Variants in SLC4A5 observed in about 807,000 individuals in gnomAD.
SLC4A5 encodes the protein electrogenic sodium bicarbonate cotransporter 4.
SLC4A5 carries 96 observed loss-of-function variants against 120.4 expected under a neutral mutation model. The ratio of observed to expected loss-of-function variants is 0.80; its 90% CI spans 0.68 to 0.94. The LOEUF (loss-of-function observed/expected upper bound fraction) is 0.94, where lower values mean the gene tolerates loss of function less well. SLC4A5 is among the 40% of genes least tolerant of loss of function. SLC4A5 has a pLI of 0.00. For synonymous variants in SLC4A5, 550 were observed against 571.1 expected, an observed-to-expected ratio of 0.96 and a Z score of 0.53; for missense variants, 1,259 against 1,459.5, an observed-to-expected ratio of 0.86 and a Z score of 2.24.
chr2:74,252,332 C>T (rs1670819702), exon 16 of SLC4A5: 1 of 1,613,526 alleles, frequency 6.2e-7, no homozygotes, highest in Admixed American at 1.7e-5. Flanking sequence ...AGCTCCGCCG[C>T]CTCCTCCCAC....
intron 6 of SLC4A5, among the ~76,000 whole-genome samples, chr2:74,314,563 A>T (rs943713834): frequency 3.3e-5 from 5 of 152,226 alleles, no homozygotes; most frequent in Non-Finnish European, 7.3e-5. Flanking sequence ...CTGGAGCAAC[A>T]GAAATACCTG....
chr2:74,340,574 G>A (rs1014839592), intron 2 of SLC4A5, among the ~76,000 whole-genome samples: 4 of 152,086 alleles, frequency 2.6e-5, no homozygotes, highest in Admixed American at 1.3e-4. Context: ...TGGGGTGGGT[G>A]TAGGAAAGGA....
intron 8 of SLC4A5, among the ~76,000 whole-genome samples, chr2:74,280,652 A>G (rs192015444): frequency 4.4e-4 from 66 of 151,210 alleles, no homozygotes; most frequent in African/African-American, 1.5e-3. Context: ...CCATACTAAG[A>G]TGGGAAATGA....
chr2:74,331,664 C>G (rs1673369461), intron 4 of SLC4A5, among the ~76,000 whole-genome samples: 1 of 151,898 alleles, frequency 6.6e-6, no homozygotes, highest in Non-Finnish European at 1.5e-5. Flanking sequence ...GCAGAGTTTG[C>G]TCTATTAAAT....
chr2:74,327,947 A>T (rs371257999), intron 5 of SLC4A5, among the ~76,000 whole-genome samples, 173 bp downstream of exon 5: 22 of 152,228 alleles, frequency 1.4e-4, no homozygotes, highest in African/African-American at 5.3e-4. Context: ...TTTTTAAAGG[A>T]AAACCAAATA....
intron 8 of SLC4A5, among the ~76,000 whole-genome samples, chr2:74,276,672 A>ATTACTACAGGTATGAAAGACATATTCG (rs1671651081): frequency 6.6e-6 from 1 of 152,220 alleles, no homozygotes; most frequent in African/African-American, 2.4e-5. Context: ...GTATATCTTC[A>ATTACTACAGGTATGAAAGACATATTCG]TTACTACAGG....
chr2:74,341,889 C>T (rs187081672), intron 2 of SLC4A5, among the ~76,000 whole-genome samples: 76 of 152,318 alleles, frequency 5.0e-4, no homozygotes, highest in African/African-American at 1.7e-3. Context: ...CCCAACCCAG[C>T]TTATGTCCTG....
At chr2:74,266,382 A>G (rs993837064) in intron 8 of SLC4A5, among the ~76,000 whole-genome samples, 2 of 151,950 alleles carry the variant, frequency 1.3e-5, no homozygotes, top group Non-Finnish European at 2.9e-5. Context: ...GATCTTCCCA[A>G]CTCAGCCTCC....
intron 27 of SLC4A5, among the ~76,000 whole-genome samples, chr2:74,226,753 C>T (rs149846076): frequency 2.6e-5 from 4 of 152,226 alleles, no homozygotes; most frequent in South Asian, 4.1e-4. Context: ...TTCCTTCCTC[C>T]GCCTCCTCTC....
At chr2:74,225,132 C>G in intron 27 of SLC4A5, 137 bp from the exon 28 acceptor site, 1 of 753,284 alleles carries the variant, frequency 1.3e-6, no homozygotes, top group Non-Finnish European at 2.1e-6. Flanking sequence ...GGAGCCGTCT[C>G]GAAGCTCCCA....
Position 74,304,754 on chromosome 2 carries a change from T to C in SLC4A5, c.80-74A>G, listed in dbSNP as rs1221013842. On this transcript the variant is annotated intron_variant, in intron 6 of 30. Transcript: ENST00000394019. The stretch of plus-strand genomic sequence containing the variant: ...GCATTTTTTCATAATATTCATCAGT[T>C]ACAAAGAGATTGGGCTGCAGAAGCA... 2.1e-6 allele frequency: 3 copies of C among 1,452,042 alleles called. No homozygotes were observed. The African/African-American group carries it at 4.2e-5, about 21-fold the overall frequency. The allele number at this position is 1,452,042 out of a possible 1,614,324, so 89.9% of individuals were successfully genotyped here. A position where few individuals can be genotyped will look rare whatever the true frequency, so the allele number is the denominator to read the frequency against.
intron 10 of SLC4A5, among the ~76,000 whole-genome samples, chr2:74,263,280 T>C (rs769473052): frequency 1.6e-4 from 24 of 152,170 alleles, no homozygotes; most frequent in Non-Finnish European, 3.4e-4. Flanking sequence ...AGATGGGGTT[T>C]ATGCCATGTC....
chr2:74,222,863 C>A lies in SLC4A5; in HGVS notation c.3331+5G>T. ...GAAGGGAGAGACATCATGTGTTTTA[C>A]TTACTGGCAATGCAGTGGATACCGT... On this transcript the variant is annotated splice_donor_5th_base_variant and intron_variant, in intron 29 of 30. Transcript: ENST00000394019. The A allele has an allele frequency of 6.2e-7, 1 of 1,608,348 alleles. No individual in the cohort carries two copies. The highest frequency in any genetic ancestry group is 8.5e-7 in the Non-Finnish European group (1 of 1,174,760).
intron 7 of SLC4A5, among the ~76,000 whole-genome samples, chr2:74,288,031 G>A (rs7560244): frequency 0.19 from 28,404 of 152,090 alleles, 3,421 homozygotes; most frequent in East Asian, 0.38. Flanking sequence ...ACCACGCTAA[G>A]GACATTGACA....
intron 8 of SLC4A5, among the ~76,000 whole-genome samples, chr2:74,266,498 G>A (rs1204419846): frequency 2.6e-5 from 4 of 152,032 alleles, no homozygotes; most frequent in African/African-American, 4.8e-5. Flanking sequence ...CGAACTCCTG[G>A]GCTTAAGTGA....
At chr2:74,262,914 G>A (rs1214662767) in intron 10 of SLC4A5, among the ~76,000 whole-genome samples, 1 of 152,148 alleles carries the variant, frequency 6.6e-6, no homozygotes. Context: ...GTACCTACAC[G>A]CCACAGCATT....
intron 7 of SLC4A5, among the ~76,000 whole-genome samples, chr2:74,301,615 T>C (rs1672477701): frequency 6.6e-6 from 1 of 152,248 alleles, no homozygotes; most frequent in South Asian, 2.1e-4. Context: ...ATTATCCAGA[T>C]GAGGCAGGTA....
intron 6 of SLC4A5, among the ~76,000 whole-genome samples, chr2:74,306,136 T>C (rs1462414784): frequency 1.3e-5 from 2 of 152,238 alleles, no homozygotes; most frequent in African/African-American, 2.4e-5. Flanking sequence ...ACTGCCATTC[T>C]AAAGTTCACC....
chr2:74,262,117 G>A lies in SLC4A5; in HGVS notation c.811+20C>T, dbSNP rs1320496443. ...ACAGCCTGAATAAAGCTGCCACAGA[G>A]CGGCAGAGCACACACTCACACAGAC... On this transcript the variant is annotated intron_variant, in intron 11 of 30. Transcript: ENST00000394019. 11 of 1,607,964 alleles carry A rather than the reference G, an allele frequency of 6.8e-6. No individual in the cohort carries two copies. The highest frequency in any genetic ancestry group is 9.4e-6 in the Non-Finnish European group (11 of 1,175,806).
Sources: gnomAD v4.1 joint callset for allele counts (sites outside exome capture counted in the v4.1 genomes callset) on GRCh38, gnomAD v4.1.1 for gene constraint, MANE v1.5 for transcripts, NCBI Gene and HGNC (gene_info 2026-07-23, HGNC 2026-07-21) for gene names.